PTPN13: variants seen among roughly 807,000 people sequenced by gnomAD.
The protein encoded by PTPN13 is protein tyrosine phosphatase non-receptor type 13, also known as tyrosine-protein phosphatase non-receptor type 13.
PTPN13 carries 191 observed loss-of-function variants against 284.0 expected under a neutral mutation model. The observed-to-expected ratio is 0.67, with a 90% CI of 0.60 to 0.76. The LOEUF is 0.76. Among genes scored for constraint, PTPN13 ranks in the 30% least tolerant of loss-of-function variants. The pLI, the probability that PTPN13 is intolerant of heterozygous loss-of-function variation, is 0.00. For missense variants in PTPN13, 2,797 were observed against 2,939.9 expected (o/e 0.95, Z 1.12); for synonymous variants, 986 against 1,022.3 (o/e 0.96, Z 0.68).
intron 1 of PTPN13, among the ~76,000 whole-genome samples, chr4:86,622,677 G>A (rs1407641328): frequency 1.3e-5 from 2 of 152,092 alleles, no homozygotes; most frequent in Admixed American, 1.3e-4. Context: ...TGGTTTTGGG[G>A]CAAAGCCACT....
chr4:86,605,099 A>G (rs934686388), intron 1 of PTPN13, among the ~76,000 whole-genome samples: 1 of 151,916 alleles, frequency 6.6e-6, no homozygotes, highest in Non-Finnish European at 1.5e-5. Flanking sequence ...GTGTTTACAA[A>G]GAAATGCTGA....
intron 35 of PTPN13, among the ~76,000 whole-genome samples, chr4:86,777,523 A>G (rs1196207212): frequency 2.0e-5 from 3 of 152,222 alleles, no homozygotes; most frequent in African/African-American, 2.4e-5. Context: ...CCATATAAAT[A>G]GTAATATCTT....
chr4:86,700,621 G>T (rs1731057877), intron 6 of PTPN13, among the ~76,000 whole-genome samples: 1 of 152,118 alleles, frequency 6.6e-6, no homozygotes, highest in African/African-American at 2.4e-5. Context: ...CATGGAAACA[G>T]TAAGTTTCTT....
intron 24 of PTPN13, among the ~76,000 whole-genome samples, chr4:86,764,263 T>C (rs950424830): frequency 6.6e-6 from 1 of 152,152 alleles, no homozygotes; most frequent in African/African-American, 2.4e-5. Context: ...TCTATATAGG[T>C]TTCCATCTGC....
intron 3 of PTPN13, among the ~76,000 whole-genome samples, chr4:86,678,020 A>G (rs1452934745): frequency 6.6e-6 from 1 of 152,190 alleles, no homozygotes; most frequent in Non-Finnish European, 1.5e-5. Context: ...TTTGGTTTGC[A>G]ATAAATGATA....
chr4:86,705,572 GTT>G (rs1214317548), intron 7 of PTPN13, among the ~76,000 whole-genome samples: 2 of 151,964 alleles, frequency 1.3e-5, no homozygotes, highest in Admixed American at 6.6e-5. Context: ...TGTTTTAAAA[GTT>G]TTAAAAAGAA....
Position 86,771,262 on chromosome 4 carries a change from A to C in PTPN13, c.4895A>C (p.Glu1632Ala). ...SCVEQSTSSD[E>A]NEMSDKSKKQ... ...GTGGAGCAAAGCACCAGCTCAGATGAAAATGAAATGTCAGACAAAAGCAAA... is the reference window on the plus strand; with the variant it reads ...GTGGAGCAAAGCACCAGCTCAGATGCAAATGAAATGTCAGACAAAAGCAAA... The change falls in exon 31 of 48, where the codon GAA (glutamate) becomes GCA (alanine). Residue 1632 changes from glutamate to alanine, a missense_variant. By Grantham distance (107) the Glu-to-Ala change is moderately radical. Transcript: ENST00000411767. 6.2e-7 allele frequency: 1 copy of C among 1,608,872 alleles called. No homozygotes were observed. Among genetic ancestry groups the C allele is most frequent in the Non-Finnish European group, 8.5e-7 (1 of 1,177,468 alleles).
chr4:86,755,558 C>T (rs958207596), intron 20 of PTPN13, among the ~76,000 whole-genome samples: 21 of 151,888 alleles, frequency 1.4e-4, no homozygotes, highest in African/African-American at 4.1e-4. Flanking sequence ...AGATGGTCAC[C>T]GACTTATCAT....
intron 9 of PTPN13, among the ~76,000 whole-genome samples, chr4:86,721,663 A>G (rs1733659992): frequency 6.6e-6 from 1 of 150,602 alleles, no homozygotes; most frequent in African/African-American, 2.4e-5. Flanking sequence ...AAGATCATAT[A>G]TGTATTTCCT....
rs148723614 is a variant in PTPN13, at chr4:86,627,804, A to G, written c.-5-7448A>G. ...TTTTCTATAATTTTGTATAAATGTAATCATACAACATGTACACTTGTTTCT... is the reference window on the plus strand; with the variant it reads ...TTTTCTATAATTTTGTATAAATGTAGTCATACAACATGTACACTTGTTTCT... On this transcript the variant is annotated intron_variant, in intron 1 of 47. Coordinates refer to ENST00000411767, the MANE Select transcript of PTPN13 (RefSeq NM_080683.3). Among the ~76,000 whole-genome samples, 185 of 152,288 alleles carry G rather than the reference A, an allele frequency of 1.2e-3. 6 individuals carry two copies. The East Asian group carries it at 0.019, about 15-fold the overall frequency.
At chr4:86,758,909 T>C (rs766389378) in intron 22 of PTPN13, 33 bp from the exon 23 acceptor site, 52 of 1,599,996 alleles carry the variant, frequency 3.3e-5, no homozygotes, top group Non-Finnish European at 4.3e-5. Context: ...TGTATCTTTG[T>C]TGTTGAAAAT....
chr4:86,743,250 CA>C (rs1238093627), intron 16 of PTPN13, among the ~76,000 whole-genome samples: 4 of 152,124 alleles, frequency 2.6e-5, no homozygotes, highest in Non-Finnish European at 5.9e-5. Context: ...TATCACTTTT[CA>C]TAATTAATAT....
At chr4:86,714,490 C>T (rs979640329) in intron 7 of PTPN13, among the ~76,000 whole-genome samples, 4 of 152,074 alleles carry the variant, frequency 2.6e-5, no homozygotes, top group South Asian at 2.1e-4. Flanking sequence ...TCCCACTCAA[C>T]GGGCTTATTA....
intron 16 of PTPN13, among the ~76,000 whole-genome samples, chr4:86,744,528 C>A (rs1429291871): frequency 6.6e-6 from 1 of 152,158 alleles, no homozygotes; most frequent in East Asian, 1.9e-4. Flanking sequence ...TATAATAATA[C>A]AGTCATGTGC....
intron 14 of PTPN13, 98 bp downstream of exon 14, chr4:86,734,973 T>G (rs1735340197): frequency 1.5e-6 from 2 of 1,363,816 alleles, no homozygotes; most frequent in South Asian, 3.4e-5. Context: ...GATGTTTAGA[T>G]CTGAAGATTT....
chr4:86,605,865 G>C (rs1764696772), intron 1 of PTPN13, among the ~76,000 whole-genome samples: 1 of 151,846 alleles, frequency 6.6e-6, no homozygotes, highest in South Asian at 2.1e-4. Context: ...TTACTGTTGG[G>C]AAAGTAATGA....
chr4:86,618,643 A>G (rs1203074030), intron 1 of PTPN13, among the ~76,000 whole-genome samples: 1 of 152,146 alleles, frequency 6.6e-6, no homozygotes, highest in Non-Finnish European at 1.5e-5. Flanking sequence ...GGTCCTTCAC[A>G]TCCCTTGTAA....
intron 1 of PTPN13, among the ~76,000 whole-genome samples, chr4:86,603,528 TG>T (rs1764493346): frequency 6.6e-6 from 1 of 152,190 alleles, no homozygotes; most frequent in Non-Finnish European, 1.5e-5. Context: ...AAAAATTATT[TG>T]GTATTTCTCA....
chr4:86,664,535 T>C (rs1726851418), intron 2 of PTPN13, among the ~76,000 whole-genome samples: 1 of 152,172 alleles, frequency 6.6e-6, no homozygotes, highest in African/African-American at 2.4e-5. Context: ...TGCAAATATT[T>C]CAATTAGATA....
Sources: allele counts gnomAD v4.1 joint callset (sites outside exome capture counted in the v4.1 genomes callset), GRCh38; gene constraint gnomAD v4.1.1; transcripts MANE v1.5; gene names NCBI Gene and HGNC (gene_info 2026-07-23, HGNC 2026-07-21).